The following PCDH19 variants were observed in gnomAD, a reference collection of about 807,000 sequenced individuals.
PCDH19 encodes the protein protocadherin 19, also known as protocadherin-19.
PCDH19 carries 6 observed loss-of-function variants against 46.2 expected under a neutral mutation model. The observed-to-expected ratio is 0.13, with a 90% CI of 0.07 to 0.26. The LOEUF is 0.26. Among genes scored for constraint, PCDH19 ranks in the 10% least tolerant of loss-of-function variants. PCDH19 has a pLI of 1.00. For missense variants in PCDH19, 740 were observed against 972.3 expected (o/e 0.76, Z 3.18); for synonymous variants, 481 against 415.7 (o/e 1.16, Z -1.91).
chrX:100,302,014 T>C (rs1239127125), intron 5 of PCDH19, among the ~76,000 whole-genome samples: 1 of 111,456 alleles, frequency 9.0e-6, no homozygotes, highest in African/African-American at 3.3e-5. Flanking sequence ...CTGACTTAGG[T>C]AAGAGACTAT....
chrX:100,403,916 C>G (rs1928269408), intron 1 of PCDH19, among the ~76,000 whole-genome samples: 1 of 112,285 alleles, frequency 8.9e-6, no homozygotes, highest in Admixed American at 9.4e-5. Context: ...AATTCGATTT[C>G]TGGGCAATAA....
chrX:100,404,919 T>C (rs187287673), intron 1 of PCDH19, among the ~76,000 whole-genome samples: 1 of 111,996 alleles, frequency 8.9e-6, no homozygotes, highest in East Asian at 2.8e-4. Context: ...CTAAGAGCAA[T>C]ATTAATTTAC....
rs1051780421 is a variant in PCDH19 at position 100,410,212 on chromosome X, C to T, written c.-1615G>A. On this transcript the variant is annotated 5_prime_UTR_variant, in exon 1 of 6. Coordinates refer to ENST00000373034, the MANE Select transcript of PCDH19 (RefSeq NM_001184880.2). ...GCCGTCTGTGCCCGCTCGTCCGTCT[C>T]CGCGCTGCGCCAGCCGCCGCCGCTA... is the stretch of plus-strand genomic sequence containing the variant. The T allele has an allele frequency of 3.4e-6, 1 of 296,235 alleles. No homozygotes were observed. Among genetic ancestry groups the T allele is most frequent in the Non-Finnish European group, 5.9e-6 (1 of 170,371 alleles). 24.4% of individuals were successfully genotyped at this position (296,235 alleles called of 1,213,427 possible).
At chrX:100,363,740 A>ATT (rs1926979610) in intron 3 of PCDH19, among the ~76,000 whole-genome samples, 1 of 99,945 alleles carries the variant, frequency 1.0e-5, no homozygotes, top group Non-Finnish European at 2.0e-5. Flanking sequence ...TTATATATAT[A>ATT]AATAATATAT....
rs900911484 is a variant in PCDH19 at position 100,294,910 on chromosome X, C to T, written c.*1367G>A. ...CTACAGCAAAAAGAGTTGGCTAAAT[C>T]GAAAGGATTTTTATTTTAGTATTTT... On this transcript the variant is annotated 3_prime_UTR_variant, in exon 6 of 6. Coordinates refer to ENST00000373034, the MANE Select transcript of PCDH19 (RefSeq NM_001184880.2). 8.9e-6 allele frequency: 1 copy of T among 112,032 alleles called. No individual in the cohort carries two copies. The highest frequency in any genetic ancestry group is 1.9e-5 in the Non-Finnish European group (1 of 53,087). 9.2% of individuals were successfully genotyped at this position (112,032 alleles called of 1,213,427 possible). A position where few individuals can be genotyped will look rare whatever the true frequency, so the allele number is the denominator to read the frequency against.
chrX:100,382,195 T>C (rs1244142032), intron 3 of PCDH19, among the ~76,000 whole-genome samples: 1 of 111,249 alleles, frequency 9.0e-6, no homozygotes, highest in African/African-American at 3.3e-5. Context: ...AGGTTAAATA[T>C]TATAACAGAT....
intron 1 of PCDH19, among the ~76,000 whole-genome samples, chrX:100,404,584 G>A (rs1172377608): frequency 9.4e-6 from 1 of 106,062 alleles, no homozygotes; most frequent in Non-Finnish European, 1.9e-5. Flanking sequence ...ACACATTTGG[G>A]TGAAGTTGGA....
intron 5 of PCDH19, among the ~76,000 whole-genome samples, chrX:100,332,231 A>C: frequency 8.9e-6 from 1 of 112,380 alleles, no homozygotes; most frequent in Middle Eastern, 4.6e-3. Flanking sequence ...ATTGCTTTTA[A>C]AACTATGGGG....
rs1157436775 is a variant in PCDH19, at chrX:100,409,950, G to A, written c.-1353C>T. On this transcript the variant is annotated 5_prime_UTR_variant, in exon 1 of 6. Transcript: ENST00000373034. ...TGTCTCGCTTTCTCTGTCTGTCTCG[G>A]GCTGTGTGTGAATGTGTGAGAGAGA... 7.0e-5 allele frequency: 22 copies of A among 315,909 alleles called. No homozygotes were observed. Among genetic ancestry groups the A allele is most frequent in the Non-Finnish European group, 1.1e-5 (2 of 185,438 alleles). 26.0% of individuals were successfully genotyped at this position (315,909 alleles called of 1,213,427 possible).
chrX:100,322,865 A>ATATATATATATATATTTTTTTTTTTTT, intron 5 of PCDH19, among the ~76,000 whole-genome samples: 2 of 54,414 alleles, frequency 3.7e-5, no homozygotes, highest in African/African-American at 1.7e-4. Context: ...ATATATATAT[A>ATATATATATATATATTTTTTTTTTTTT]TTTTTGCAGC....
intron 5 of PCDH19, among the ~76,000 whole-genome samples, chrX:100,318,681 A>G (rs1402490139): frequency 8.9e-6 from 1 of 112,108 alleles, no homozygotes; most frequent in Non-Finnish European, 1.9e-5. Context: ...AACATGGACC[A>G]GGTAAGTTTT....
chrX:100,347,534 G>A (rs138009848), intron 4 of PCDH19, among the ~76,000 whole-genome samples: 153 of 111,549 alleles, frequency 1.4e-3, no homozygotes, highest in African/African-American at 4.9e-3. Flanking sequence ...TCCAATTTAG[G>A]CGTGCCAACT....
At chrX:100,375,546 A>G (rs770031525) in intron 3 of PCDH19, among the ~76,000 whole-genome samples, 3 of 112,453 alleles carry the variant, frequency 2.7e-5, no homozygotes, top group Non-Finnish European at 5.6e-5. Flanking sequence ...ATCGTGCCGC[A>G]ATAAACATAC....
intron 3 of PCDH19, among the ~76,000 whole-genome samples, chrX:100,386,521 T>C (rs1226789779): frequency 8.9e-6 from 1 of 112,243 alleles, no homozygotes; most frequent in Non-Finnish European, 1.9e-5. Context: ...AACACTCTGC[T>C]TTATCACATT....
chrX:100,320,517 A>G (rs748218530), intron 5 of PCDH19, among the ~76,000 whole-genome samples: 1 of 112,084 alleles, frequency 8.9e-6, no homozygotes, highest in African/African-American at 3.2e-5. Context: ...TGTTTAAACA[A>G]TGTGGAAAAT....
intron 3 of PCDH19, among the ~76,000 whole-genome samples, chrX:100,372,169 G>A (rs927453120): frequency 9.0e-6 from 1 of 111,650 alleles, no homozygotes; most frequent in Non-Finnish European, 1.9e-5. Flanking sequence ...CCCAGGAGGT[G>A]GAGGCTCAGT....
intron 3 of PCDH19, among the ~76,000 whole-genome samples, chrX:100,363,886 T>TGTGTGTGTGTGTGTGTGA (rs1207488480): frequency 3.0e-4 from 29 of 98,037 alleles, no homozygotes; most frequent in African/African-American, 1.1e-3. Context: ...TGTGTGTGTG[T>TGTGTGTGTGTGTGTGTGA]GAGAGAGAGG....
intron 3 of PCDH19, among the ~76,000 whole-genome samples, chrX:100,380,924 T>C (rs750046550): frequency 2.7e-5 from 3 of 112,543 alleles, no homozygotes; most frequent in South Asian, 3.7e-4. Flanking sequence ...CATCAGCGGA[T>C]ACTGAACCAA....
At chrX:100,337,043 A>C (rs927185685) in intron 5 of PCDH19, among the ~76,000 whole-genome samples, 1 of 111,425 alleles carries the variant, frequency 9.0e-6, no homozygotes, top group African/African-American at 3.3e-5. Flanking sequence ...GAAGAAATTC[A>C]AGCCCCATGA....
Sources: allele counts gnomAD v4.1 joint callset (sites outside exome capture counted in the v4.1 genomes callset), GRCh38; gene constraint gnomAD v4.1.1; transcripts MANE v1.5; gene names NCBI Gene and HGNC (gene_info 2026-07-23, HGNC 2026-07-21).